EDIL3: variants seen among roughly 807,000 people sequenced by gnomAD.
EDIL3 encodes the protein EGF like and discoidin domains 3.
Under a neutral mutation model 67.4 loss-of-function variants are expected in EDIL3, and 37 were observed. The ratio of observed to expected loss-of-function variants is 0.55; its 90% CI spans 0.42 to 0.72. The LOEUF is 0.72. Among genes scored for constraint, EDIL3 ranks in the 30% least tolerant of loss-of-function variants. EDIL3 has a pLI of 0.00. For missense variants in EDIL3, 527 were observed against 586.3 expected, an observed-to-expected ratio of 0.90 and a Z score of 1.04; for synonymous variants, 195 against 196.3, an observed-to-expected ratio of 0.99 and a Z score of 0.05.
At chr5:84,377,221 G>A (rs1357078016) in intron 1 of EDIL3, among the ~76,000 whole-genome samples, 1 of 151,666 alleles carries the variant, frequency 6.6e-6, no homozygotes, top group Non-Finnish European at 1.5e-5. Context: ...GCTGAGGCAG[G>A]AGAATGGTGT....
chr5:84,005,085 C>T, intron 9 of EDIL3, among the ~76,000 whole-genome samples: 1 of 151,938 alleles, frequency 6.6e-6, no homozygotes, highest in East Asian at 1.9e-4. Flanking sequence ...ACTAGAAAAC[C>T]TAGAAGGAAT....
chr5:84,018,254 T>G (rs1290776707), intron 9 of EDIL3, among the ~76,000 whole-genome samples: 1 of 152,170 alleles, frequency 6.6e-6, no homozygotes, highest in Non-Finnish European at 1.5e-5. Context: ...TTCTCTTACA[T>G]CTGATACTTC....
chr5:84,207,286 C>T (rs1374778436), intron 3 of EDIL3, among the ~76,000 whole-genome samples: 6 of 152,138 alleles, frequency 3.9e-5, no homozygotes, highest in African/African-American at 1.2e-4. Flanking sequence ...TGAGTGAACT[C>T]CCATTCACAA....
chr5:84,366,242 C>T (rs914148969), intron 1 of EDIL3, among the ~76,000 whole-genome samples: 1 of 152,094 alleles, frequency 6.6e-6, no homozygotes, highest in Non-Finnish European at 1.5e-5. Flanking sequence ...ACTGTCGCCA[C>T]CAGCACCACC....
intron 1 of EDIL3, among the ~76,000 whole-genome samples, chr5:84,267,608 C>T (rs934477503): frequency 2.7e-4 from 41 of 152,222 alleles, no homozygotes; most frequent in African/African-American, 9.9e-4. Context: ...GCATATGAAT[C>T]ATCATTTGAG....
intron 1 of EDIL3, among the ~76,000 whole-genome samples, chr5:84,305,581 ATTAACT>A (rs1323009992): frequency 6.6e-6 from 1 of 152,242 alleles, no homozygotes; most frequent in Non-Finnish European, 1.5e-5. Context: ...TCAGTTAAAA[ATTAACT>A]TTAAGATACA....
intron 4 of EDIL3, among the ~76,000 whole-genome samples, chr5:84,169,063 C>T (rs1478269419): frequency 6.6e-6 from 1 of 152,028 alleles, no homozygotes; most frequent in Non-Finnish European, 1.5e-5. Flanking sequence ...ACTTGACCCC[C>T]TGACTTCATT....
intron 9 of EDIL3, among the ~76,000 whole-genome samples, chr5:84,010,652 A>G (rs1745501227): frequency 1.3e-5 from 2 of 152,188 alleles, no homozygotes; most frequent in Non-Finnish European, 2.9e-5. Context: ...TACAAAGCCT[A>G]GGTATTATCT....
At position 83,941,191 on chromosome 5, in the gene EDIL3, T is replaced by A. The variant is rs951124445; in HGVS notation, c.*2228A>T. ...ATATGGTGCGACCCCTTTGCTCTCA[T>A]CAATTTTGGGTGTCATGAGAACAAT... On this transcript the variant is annotated 3_prime_UTR_variant, in exon 11 of 11. Coordinates refer to ENST00000296591, the MANE Select transcript of EDIL3 (RefSeq NM_005711.5). 3 of 151,992 alleles carry A rather than the reference T, an allele frequency of 2.0e-5. No individual in the cohort carries two copies. The highest frequency in any genetic ancestry group is 4.8e-5 in the African/African-American group (2 of 41,454). 9.4% of individuals were successfully genotyped at this position (151,992 alleles called of 1,614,324 possible).
intron 9 of EDIL3, among the ~76,000 whole-genome samples, chr5:84,030,950 G>A (rs985763757): frequency 1.3e-5 from 2 of 152,120 alleles, no homozygotes; most frequent in African/African-American, 4.8e-5. Flanking sequence ...CACAGTGCTG[G>A]ATGGAGGCTG....
rs558975202 is a variant in EDIL3, at chr5:83,952,049, C to T, written c.1294-8481G>A. Among the ~76,000 whole-genome samples the T allele has an allele frequency of 9.2e-5, 14 of 151,728 alleles. 1 individual carries two copies. Among genetic ancestry groups the T allele is most frequent in the Admixed American group, 3.9e-4 (6 of 15,196 alleles). On this transcript the variant is annotated intron_variant, in intron 10 of 10. Coordinates refer to ENST00000296591, the MANE Select transcript of EDIL3 (RefSeq NM_005711.5). ...AGAGTGGCCATCTCCATTCATTCTA[C>T]GGACTGTTTTCTTGCATAACTTTGG...
intron 9 of EDIL3, among the ~76,000 whole-genome samples, chr5:84,044,720 T>C (rs562295911): frequency 6.6e-6 from 1 of 152,040 alleles, no homozygotes; most frequent in Admixed American, 6.6e-5. Context: ...CTGCGGGCGG[T>C]AGAAAGCCTA....
At chr5:84,315,281 AATC>A (rs1296123145) in intron 1 of EDIL3, among the ~76,000 whole-genome samples, 1 of 152,246 alleles carries the variant, frequency 6.6e-6, no homozygotes, top group Non-Finnish European at 1.5e-5. Flanking sequence ...AAAGTTTTAT[AATC>A]ATATCAGTTT....
intron 6 of EDIL3, among the ~76,000 whole-genome samples, chr5:84,075,480 C>CTTA (rs1315555137): frequency 9.0e-4 from 137 of 151,588 alleles, no homozygotes; most frequent in African/African-American, 2.9e-3. Context: ...TCTTCTTCTT[C>CTTA]TTCTTATTAT....
chr5:84,162,728 C>T (rs1748636038), intron 4 of EDIL3, among the ~76,000 whole-genome samples: 1 of 152,048 alleles, frequency 6.6e-6, no homozygotes, highest in Non-Finnish European at 1.5e-5. Context: ...AAGTCCACAT[C>T]TGGCCCACAG....
At chr5:84,151,611 A>C (rs1269014710) in intron 4 of EDIL3, among the ~76,000 whole-genome samples, 3 of 152,198 alleles carry the variant, frequency 2.0e-5, no homozygotes, top group East Asian at 3.8e-4. Context: ...GGGAAAAATT[A>C]ATGTAACTGG....
At chr5:84,137,604 A>G (rs1372107158) in intron 4 of EDIL3, among the ~76,000 whole-genome samples, 4 of 152,172 alleles carry the variant, frequency 2.6e-5, no homozygotes, top group Non-Finnish European at 5.9e-5. Flanking sequence ...CCACTCTCCC[A>G]TTCTGAAAAT....
chr5:84,374,210 G>GA (rs199975282), intron 1 of EDIL3, among the ~76,000 whole-genome samples: 1,735 of 128,712 alleles, frequency 0.013, 21 homozygotes, highest in African/African-American at 0.033. Flanking sequence ...CCAAGAACTG[G>GA]AAAAAAAAAA....
chr5:84,346,142 T>TC (rs1334565447), intron 1 of EDIL3, among the ~76,000 whole-genome samples: 1 of 148,010 alleles, frequency 6.8e-6, no homozygotes, highest in Non-Finnish European at 1.5e-5. Context: ...TTTCTTTTTT[T>TC]TTTTTTTTTT....
Sources: allele counts gnomAD v4.1 joint callset (sites outside exome capture counted in the v4.1 genomes callset), GRCh38; gene constraint gnomAD v4.1.1; transcripts MANE v1.5; gene names NCBI Gene and HGNC (gene_info 2026-07-23, HGNC 2026-07-21).